WDR33: variants seen among roughly 807,000 people sequenced by gnomAD.
WDR33 encodes pre-mRNA 3' end processing protein WDR33.
WDR33 carries 47 observed loss-of-function variants against 164.9 expected under a neutral mutation model. The ratio of observed to expected loss-of-function variants is 0.29; its 90% CI spans 0.23 to 0.36. The LOEUF is 0.36. Ranked by LOEUF, WDR33 falls within the 10% of genes least tolerant of loss-of-function variation. The pLI is 1.00. For missense variants in WDR33, 1,137 were observed against 1,754.1 expected (o/e 0.65, Z 6.28); for synonymous variants, 505 against 589.0 (o/e 0.86, Z 2.06).
Position 127,702,213 on chromosome 2 carries a change from G to A in WDR33, c.*4110C>T, listed in dbSNP as rs1685909928. On this transcript the variant is annotated 3_prime_UTR_variant, in exon 22 of 22. Transcript: ENST00000322313. ...CCTCGCCGCTGGGGAAGTACGCGGAGCCAGCGCCGTCGGAGACCGCGCCGG... is the reference window on the plus strand; with the variant it reads ...CCTCGCCGCTGGGGAAGTACGCGGAACCAGCGCCGTCGGAGACCGCGCCGG... The A allele has an allele frequency of 8.3e-7, 1 of 1,208,018 alleles. No individual in the cohort carries two copies. The highest frequency in any genetic ancestry group is 1.0e-6 in the Non-Finnish European group (1 of 968,484). The allele number at this position is 1,208,018 out of a possible 1,614,324, so 74.8% of individuals were successfully genotyped here. A position where few individuals can be genotyped will look rare whatever the true frequency, so the allele number is the denominator to read the frequency against.
intron 7 of WDR33, among the ~76,000 whole-genome samples, chr2:127,733,712 A>C (rs1287663885): frequency 6.6e-6 from 1 of 151,010 alleles, no homozygotes; most frequent in Non-Finnish European, 1.5e-5. Flanking sequence ...TCACAAAACA[A>C]AAAACAAAAA....
In WDR33 at chr2:127,810,075, T is replaced by C. The variant is rs577632415; in HGVS notation, c.-24+937A>G. On this transcript the variant is annotated intron_variant, in intron 1 of 21. Coordinates refer to ENST00000322313, the MANE Select transcript of WDR33 (RefSeq NM_018383.5). ...ACATACACACACACATATATACACA[T>C]ATATATGTATATATAGCATGCATTA... Among the ~76,000 whole-genome samples the C allele has an allele frequency of 2.0e-5, 3 of 152,282 alleles. No homozygotes were observed. The East Asian group carries it at 5.8e-4, about 29-fold the overall frequency.
At chr2:127,800,103 C>T (rs560012759) in intron 1 of WDR33, among the ~76,000 whole-genome samples, 1 of 152,270 alleles carries the variant, frequency 6.6e-6, no homozygotes, top group South Asian at 2.1e-4. Context: ...AGAATTTCCT[C>T]AAATGTTAAA....
chr2:127,787,466 G>A lies in WDR33; in HGVS notation c.-23-16462C>T, dbSNP rs1191146718. Among the ~76,000 whole-genome samples, 186 of 138,480 alleles carry A rather than the reference G, an allele frequency of 1.3e-3. 1 individual carries two copies. The highest frequency in any genetic ancestry group is 5.4e-3 in the African/African-American group (181 of 33,512). 90.8% of individuals were successfully genotyped at this position (138,480 alleles called of 152,430 possible). On this transcript the variant is annotated intron_variant, in intron 1 of 21. Coordinates refer to ENST00000322313, the MANE Select transcript of WDR33 (RefSeq NM_018383.5). ...GAGGCGCCCCTCACCTCCCGGACGG[G>A]GCAGCTGGCCGGGCGGGGGGCTGAC...
rs780568135 is a variant in WDR33 at position 127,723,283 on chromosome 2, G to A, written c.1261C>T (p.Pro421Ser). The change falls in exon 12 of 22, where the codon CCT becomes TCT. Residue 421 changes from proline (P) to serine (S), a missense_variant. Pro to Ser is a moderately conservative substitution (Grantham distance 74, BLOSUM62 -1). Around this residue, in one of 9 missense-constraint regions of WDR33, gnomAD observed 21 missense variants for 102.2 expected, o/e 0.21. Coordinates refer to ENST00000322313, the MANE Select transcript of WDR33 (RefSeq NM_018383.5). This position sits in a 1 kb window ranked among gnomAD's most constrained non-coding sequence, Gnocchi z 5.9. ...TCTACTCCATCTTCAGACATTCCAGGTAAAAGGTTTAGATTATATCGATCT... is the reference window on the plus strand; with the variant it reads ...TCTACTCCATCTTCAGACATTCCAGATAAAAGGTTTAGATTATATCGATCT... ...MRDRYNLNLL[P>S]GMSEDGVEYD... The A allele has an allele frequency of 6.2e-7, 1 of 1,613,952 alleles. No homozygotes were observed. The highest frequency in any genetic ancestry group is 8.5e-7 in the Non-Finnish European group (1 of 1,179,964).
chr2:127,722,381 A>G lies in WDR33; in HGVS notation c.1518+210T>C, dbSNP rs1686461355. Among the ~76,000 whole-genome samples the G allele has an allele frequency of 6.6e-6, 1 of 152,222 alleles. No individual in the cohort carries two copies. The highest frequency in any genetic ancestry group is 1.5e-5 in the Non-Finnish European group (1 of 68,030). On this transcript the variant is annotated intron_variant, in intron 14 of 21. Transcript: ENST00000322313. This position sits in a 1 kb window ranked among gnomAD's most constrained non-coding sequence, Gnocchi z 5.1. ...TATTTCCTCTCATAGCATGGATGAT[A>G]ATAAGCAGGTGAGGACAGAACAGAG...
intron 1 of WDR33, among the ~76,000 whole-genome samples, chr2:127,773,154 A>G (rs143680297): frequency 1.2e-4 from 19 of 152,266 alleles, no homozygotes; most frequent in African/African-American, 4.6e-4. Flanking sequence ...AAATAAAAGA[A>G]TAAAATTAAA....
At chr2:127,765,959 G>A (rs1407433878) in intron 4 of WDR33, among the ~76,000 whole-genome samples, 5 of 152,152 alleles carry the variant, frequency 3.3e-5, no homozygotes, top group Non-Finnish European at 7.4e-5. Context: ...TATTTTCAGG[G>A]AATGACTATG....
intron 7 of WDR33, among the ~76,000 whole-genome samples, chr2:127,758,115 T>C (rs1687572592): frequency 6.6e-6 from 1 of 152,144 alleles, no homozygotes; most frequent in Non-Finnish European, 1.5e-5. Context: ...TGTGAACCAA[T>C]AGCTGTGTTT....
Position 127,716,492 on chromosome 2 carries a change from A to G in WDR33, c.2869+663T>C, listed in dbSNP as rs78394603. Among the ~76,000 whole-genome samples the G allele has an allele frequency of 0.014, 2,192 of 152,182 alleles. 65 individuals carry two copies. The highest frequency in any genetic ancestry group is 0.051 in the African/African-American group (2,116 of 41,518). ...GAGTCACCCCCTGCAACTCTCCCCAACAGCGTGCTGCTCACCACGCTCCTG... is the reference window on the plus strand; with the variant it reads ...GAGTCACCCCCTGCAACTCTCCCCAGCAGCGTGCTGCTCACCACGCTCCTG... On this transcript the variant is annotated intron_variant, in intron 17 of 21. Coordinates refer to ENST00000322313, the MANE Select transcript of WDR33 (RefSeq NM_018383.5). This position sits in a 1 kb window ranked among gnomAD's most constrained non-coding sequence, Gnocchi z 4.5.
At chr2:127,802,968 G>A (rs759617824) in intron 1 of WDR33, among the ~76,000 whole-genome samples, 4 of 152,046 alleles carry the variant, frequency 2.6e-5, no homozygotes, top group Non-Finnish European at 5.9e-5. Flanking sequence ...GTAACAGATT[G>A]AGATCTTGTC....
At chr2:127,743,974 G>A (rs1687099503) in intron 7 of WDR33, among the ~76,000 whole-genome samples, 1 of 152,150 alleles carries the variant, frequency 6.6e-6, no homozygotes, top group Admixed American at 6.5e-5. Context: ...TAAAGGATTG[G>A]CAGATTTTTA....
chr2:127,724,791 A>T lies in WDR33; in HGVS notation c.1085+96T>A. The T allele has an allele frequency of 7.3e-7, 1 of 1,361,278 alleles. No homozygotes were observed. Among genetic ancestry groups the T allele is most frequent in the Admixed American group, 1.7e-5 (1 of 58,638 alleles). 84.3% of individuals were successfully genotyped at this position (1,361,278 alleles called of 1,614,324 possible). On this transcript the variant is annotated intron_variant, in intron 10 of 21. Transcript: ENST00000322313. The surrounding 1 kb of genome is among the most constrained non-coding windows in gnomAD (Gnocchi z 4.8). The stretch of plus-strand genomic sequence containing the variant: ...GCAAGCAGTCTCTGATATAGGATAT[A>T]TGAACACTTAGAAAAGCTACAAAAC...
At chr2:127,806,160 A>G (rs1689432466) in intron 1 of WDR33, among the ~76,000 whole-genome samples, 1 of 151,508 alleles carries the variant, frequency 6.6e-6, no homozygotes, top group South Asian at 2.1e-4. Flanking sequence ...TAATAAAATA[A>G]ATTAAAATGC....
intron 7 of WDR33, among the ~76,000 whole-genome samples, chr2:127,746,988 T>C (rs1239174938): frequency 1.3e-5 from 2 of 152,236 alleles, no homozygotes; most frequent in African/African-American, 4.8e-5. Context: ...TTTAAAAAAA[T>C]GTAAATATAC....
At chr2:127,803,558 A>T (rs2104684574) in intron 1 of WDR33, among the ~76,000 whole-genome samples, 1 of 152,206 alleles carries the variant, frequency 6.6e-6, no homozygotes, top group East Asian at 1.9e-4. Flanking sequence ...ACAGAGGGAG[A>T]CTGTCTCAAA....
At chr2:127,804,040 G>A (rs1421036347) in intron 1 of WDR33, among the ~76,000 whole-genome samples, 2 of 151,978 alleles carry the variant, frequency 1.3e-5, no homozygotes, top group Non-Finnish European at 2.9e-5. Context: ...TCTAGATTGG[G>A]ACCGGGTGCG....
chr2:127,747,500 C>G (rs901736917), intron 7 of WDR33, among the ~76,000 whole-genome samples: 4 of 151,546 alleles, frequency 2.6e-5, no homozygotes, highest in African/African-American at 7.3e-5. Flanking sequence ...TTTTGAGGTT[C>G]CCATGAGCAC....
At chr2:127,800,716 AACC>A (rs1689207855) in intron 1 of WDR33, among the ~76,000 whole-genome samples, 1 of 152,068 alleles carries the variant, frequency 6.6e-6, no homozygotes, top group Admixed American at 6.6e-5. Flanking sequence ...ATAATAATAA[AACC>A]ATAGACTTTA....
Sources: gnomAD v4.1 joint callset for allele counts (sites outside exome capture counted in the v4.1 genomes callset) on GRCh38, gnomAD v4.1.1 for gene constraint, gnomAD v4.1.1 regional missense constraint, Gnocchi (gnomAD v3.1) non-coding constraint, MANE v1.5 for transcripts, NCBI Gene and HGNC (gene_info 2026-07-23, HGNC 2026-07-21) for gene names.